Variants in DLG2 observed in about 807,000 individuals in gnomAD.
DLG2 encodes the protein discs large MAGUK scaffold protein 2, also known as disks large homolog 2.
Under a neutral mutation model 132.5 loss-of-function variants are expected in DLG2, and 45 were observed. The observed-to-expected ratio is 0.34, with a 90% CI of 0.27 to 0.44. The LOEUF (loss-of-function observed/expected upper bound fraction) is 0.44. Ranked by LOEUF, DLG2 falls within the 20% of genes least tolerant of loss-of-function variation. DLG2 has a pLI of 1.00. For synonymous variants in DLG2, 424 were observed against 419.6 expected, an observed-to-expected ratio of 1.01 and a Z score of -0.13; for missense variants, 1,045 against 1,196.9, an observed-to-expected ratio of 0.87 and a Z score of 1.87.
At chr11:84,360,948 C>T (rs1483494780) in intron 7 of DLG2, among the ~76,000 whole-genome samples, 3 of 151,618 alleles carry the variant, frequency 2.0e-5, no homozygotes, top group South Asian at 4.2e-4. Flanking sequence ...CCAAATGAAA[C>T]ATATAAAGAT....
intron 3 of DLG2, chr11:85,469,524 G>C (rs2092915860): frequency 6.6e-6 from 1 of 152,162 alleles, no homozygotes; most frequent in Non-Finnish European, 1.5e-5. Flanking sequence ...AACTACTCTG[G>C]TATGATCACA....
intron 6 of DLG2, among the ~76,000 whole-genome samples, chr11:84,596,912 A>G (rs545446849): frequency 1.3e-5 from 2 of 152,280 alleles, no homozygotes; most frequent in East Asian, 3.9e-4. Flanking sequence ...GGATTCAGCA[A>G]TGATAATGAC....
intron 6 of DLG2, among the ~76,000 whole-genome samples, chr11:84,576,068 C>T (rs1441452589): frequency 1.3e-5 from 2 of 152,072 alleles, no homozygotes; most frequent in East Asian, 3.9e-4. Context: ...TTTGAGATGT[C>T]GCTTTTTCAA....
chr11:85,623,479 A>AT (rs1444775975), intron 2 of DLG2, among the ~76,000 whole-genome samples: 3 of 151,980 alleles, frequency 2.0e-5, no homozygotes, highest in Non-Finnish European at 4.4e-5. Flanking sequence ...TAATTTTTGT[A>AT]TTTTTAGTAG....
intron 8 of DLG2, among the ~76,000 whole-genome samples, chr11:84,196,311 A>T (rs1045628714): frequency 1.3e-5 from 2 of 152,218 alleles, no homozygotes; most frequent in Non-Finnish European, 2.9e-5. Context: ...AACTCAACAG[A>T]CAGAAAAGAT....
At chr11:83,778,828 T>C (rs977788680) in intron 18 of DLG2, among the ~76,000 whole-genome samples, 1 of 152,086 alleles carries the variant, frequency 6.6e-6, no homozygotes, top group Non-Finnish European at 1.5e-5. Context: ...AGGAATCATC[T>C]TTTTAGTCAT....
chr11:83,463,268 A>C (rs914510280), intron 26 of DLG2, among the ~76,000 whole-genome samples: 22 of 151,880 alleles, frequency 1.4e-4, no homozygotes, highest in African/African-American at 4.4e-4. Context: ...AAAAAAAAAA[A>C]CAATATATTG....
intron 6 of DLG2, among the ~76,000 whole-genome samples, chr11:84,723,371 G>A (rs1312471691): frequency 2.6e-5 from 4 of 152,152 alleles, no homozygotes; most frequent in Admixed American, 1.3e-4. Flanking sequence ...AAAACAAAAT[G>A]TATATTTCAT....
chr11:84,783,027 A>T (rs1215721563), intron 6 of DLG2, among the ~76,000 whole-genome samples: 1 of 152,052 alleles, frequency 6.6e-6, no homozygotes, highest in African/African-American at 2.4e-5. Context: ...TCTTCCTATA[A>T]CTCTCTTGCT....
chr11:85,027,707 C>T (rs1483118237), intron 6 of DLG2, among the ~76,000 whole-genome samples: 1 of 152,242 alleles, frequency 6.6e-6, no homozygotes, highest in Non-Finnish European at 1.5e-5. Flanking sequence ...ATGTACCACA[C>T]ATGGCTTCAG....
intron 6 of DLG2, among the ~76,000 whole-genome samples, chr11:84,826,205 A>C (rs1435146181): frequency 1.3e-5 from 2 of 151,878 alleles, no homozygotes; most frequent in Non-Finnish European, 2.9e-5. Flanking sequence ...CAAACAATCC[A>C]ATTACACTCT....
At chr11:84,352,075 C>A (rs1442506894) in intron 7 of DLG2, among the ~76,000 whole-genome samples, 1 of 152,074 alleles carries the variant, frequency 6.6e-6, no homozygotes, top group Non-Finnish European at 1.5e-5. Context: ...TTCATAGAAC[C>A]TTTTTAAACA....
intron 6 of DLG2, among the ~76,000 whole-genome samples, chr11:84,848,479 G>A (rs192419357): frequency 6.6e-6 from 1 of 152,234 alleles, no homozygotes; most frequent in East Asian, 1.9e-4. Flanking sequence ...GTTCGACAGA[G>A]TGAGACTCCA....
intron 7 of DLG2, among the ~76,000 whole-genome samples, chr11:84,531,136 GAAAGT>G (rs2154520075): frequency 6.6e-6 from 1 of 152,226 alleles, no homozygotes; most frequent in East Asian, 1.9e-4. Context: ...AGAAAAAAAA[GAAAGT>G]AAAGGATAAA....
chr11:84,949,224 A>C (rs917599640), intron 6 of DLG2, among the ~76,000 whole-genome samples: 2 of 152,152 alleles, frequency 1.3e-5, no homozygotes, highest in African/African-American at 4.8e-5. Context: ...GGATTTTCAA[A>C]AGGGGAGGGA....
chr11:85,411,201 CTTA>C (rs1403916886), intron 3 of DLG2, among the ~76,000 whole-genome samples: 3 of 151,602 alleles, frequency 2.0e-5, no homozygotes, highest in East Asian at 1.9e-4. Context: ...AAGGCAGTAC[CTTA>C]TTATTACATG....
At chr11:85,557,234 G>A (rs1389547126) in intron 3 of DLG2, among the ~76,000 whole-genome samples, 1 of 151,618 alleles carries the variant, frequency 6.6e-6, no homozygotes, top group Non-Finnish European at 1.5e-5. Flanking sequence ...AAATACCTAA[G>A]ACTACATCTA....
intron 3 of DLG2, 34 bp downstream of exon 3, chr11:85,598,623 C>G: frequency 1.3e-6 from 2 of 1,494,008 alleles, no homozygotes; most frequent in Non-Finnish European, 1.8e-6. Context: ...CAATTCTGAC[C>G]ATTAAAATGA....
chr11:83,648,144 G>A (rs898006069), intron 18 of DLG2: 2 of 152,130 alleles, frequency 1.3e-5, no homozygotes, highest in Admixed American at 6.6e-5. Flanking sequence ...TGCCATCAAA[G>A]GACTCCCTGT....
Sources: allele counts gnomAD v4.1 joint callset (sites outside exome capture counted in the v4.1 genomes callset), GRCh38; gene constraint gnomAD v4.1.1; transcripts MANE v1.5; gene names NCBI Gene and HGNC (gene_info 2026-07-23, HGNC 2026-07-21).